The following SSBP2 variants were observed in gnomAD, a reference collection of about 807,000 sequenced individuals.
SSBP2 encodes the protein single-stranded DNA-binding protein 2.
In SSBP2, 17 loss-of-function variants were observed where a neutral mutation model predicts 61.8. That is an observed-to-expected ratio of 0.28 (90% CI 0.19 to 0.41). SSBP2 has a LOEUF of 0.41. SSBP2 is among the 10% of genes least tolerant of loss of function. The pLI is 1.00. For synonymous variants in SSBP2, 139 were observed against 141.3 expected (o/e 0.98, Z 0.12); for missense variants, 310 against 458.7 (o/e 0.68, Z 2.96).
At chr5:81,528,745 T>A (rs1238170398) in intron 4 of SSBP2, among the ~76,000 whole-genome samples, 1 of 152,032 alleles carries the variant, frequency 6.6e-6, no homozygotes. Context: ...AAATAAAATT[T>A]AAGGCAAAAG....
chr5:81,560,840 T>G (rs928405160), intron 4 of SSBP2, among the ~76,000 whole-genome samples: 1 of 152,204 alleles, frequency 6.6e-6, no homozygotes, highest in Non-Finnish European at 1.5e-5. Context: ...GATGTTTTGA[T>G]ATACATACAC....
At chr5:81,430,777 T>C (rs898202575) in intron 15 of SSBP2, among the ~76,000 whole-genome samples, 8 of 152,132 alleles carry the variant, frequency 5.3e-5, no homozygotes, top group South Asian at 2.1e-4. Context: ...AACAGGAAGA[T>C]TGAAAGGATA....
rs1441984584 is a variant in SSBP2, at chr5:81,592,594, T to C, written c.282+22879A>G. Among the ~76,000 whole-genome samples the C allele has an allele frequency of 1.3e-5, 2 of 152,106 alleles. 1 individual carries two copies. Among genetic ancestry groups the C allele is most frequent in the South Asian group, 4.1e-4 (2 of 4,832 alleles). On this transcript the variant is annotated intron_variant, in intron 4 of 16. Transcript: ENST00000320672. ...AGCCTAAGTGGGAGGCACCCCCTAG[T>C]AGGGGCGGACTGACACCTTACACAG... is the stretch of plus-strand genomic sequence containing the variant.
rs757901607 is a variant in SSBP2 at position 81,751,042 on chromosome 5, T to TG, written c.-1dup. On this transcript the variant is annotated 5_prime_UTR_variant, in exon 1 of 17. Coordinates refer to ENST00000320672, the MANE Select transcript of SSBP2 (RefSeq NM_012446.5). ...CTGTTACTCTTGCCTTTGCCGTACA[T>TG]GCTTGTGCCGAGAGCAGCTCCCACT... 19 of 1,594,342 alleles carry TG rather than the reference T, an allele frequency of 1.2e-5. No homozygotes were observed. The highest frequency in any genetic ancestry group is 1.7e-4 in the Middle Eastern group (1 of 6,060).
intron 10 of SSBP2, among the ~76,000 whole-genome samples, chr5:81,450,747 G>C (rs1343696483): frequency 6.6e-6 from 1 of 152,120 alleles, no homozygotes; most frequent in Non-Finnish European, 1.5e-5. Flanking sequence ...AATTGCCTCT[G>C]CCTCTCCTTC....
At chr5:81,486,292 C>G (rs1766375896) in intron 6 of SSBP2, among the ~76,000 whole-genome samples, 1 of 152,136 alleles carries the variant, frequency 6.6e-6, no homozygotes, top group Non-Finnish European at 1.5e-5. Flanking sequence ...ACTAGGTTTA[C>G]AATTTTACAT....
chr5:81,440,559 T>C lies in SSBP2; in HGVS notation c.927A>G (p.Leu309=), dbSNP rs1190876498. 1 of 1,612,490 alleles carries C rather than the reference T, an allele frequency of 6.2e-7. No homozygotes were observed. Among genetic ancestry groups the C allele is most frequent in the African/African-American group, 1.3e-5 (1 of 74,990 alleles). Reference sequence around the variant, plus strand: ...AAACATCAAATTGAAAAGCCTTACCTAAAGAGCCATTCATGTGATGTGACT... The same window carrying C: ...AAACATCAAATTGAAAAGCCTTACCCAAAGAGCCATTCATGTGATGTGACT... The change falls in exon 14 of 17, where the codon TTA becomes TTG. Residue 309 remains leucine, a splice_region_variant and synonymous_variant. Transcript: ENST00000320672.
intron 4 of SSBP2, among the ~76,000 whole-genome samples, chr5:81,532,347 C>A (rs1770483269): frequency 6.6e-6 from 1 of 151,996 alleles, no homozygotes; most frequent in Non-Finnish European, 1.5e-5. Context: ...TCTACACAGT[C>A]CACATCAGCC....
At chr5:81,496,279 A>G (rs1767271719) in intron 5 of SSBP2, among the ~76,000 whole-genome samples, 1 of 152,110 alleles carries the variant, frequency 6.6e-6, no homozygotes, top group African/African-American at 2.4e-5. Context: ...TCCTGAGTTC[A>G]AGTGATTCTC....
intron 10 of SSBP2, 146 bp downstream of exon 10, chr5:81,460,908 TA>T: frequency 2.4e-6 from 1 of 413,178 alleles, no homozygotes; most frequent in Non-Finnish European, 4.1e-6. Context: ...CATCTTTTTC[TA>T]AAATTTATAT....
chr5:81,729,576 G>T (rs6882480), intron 1 of SSBP2, among the ~76,000 whole-genome samples: 13,880 of 152,032 alleles, frequency 0.091, 1,096 homozygotes, highest in East Asian at 0.37. Context: ...GCCATGAACT[G>T]AGGAGTATTA....
chr5:81,738,739 C>T (rs1756795147), intron 1 of SSBP2, among the ~76,000 whole-genome samples: 2 of 152,166 alleles, frequency 1.3e-5, no homozygotes, highest in South Asian at 4.1e-4. Context: ...AATGATGACG[C>T]TATAAGCATT....
chr5:81,616,859 C>T (rs1746113094), intron 3 of SSBP2, among the ~76,000 whole-genome samples: 1 of 152,118 alleles, frequency 6.6e-6, no homozygotes, highest in Non-Finnish European at 1.5e-5. Context: ...CCTCACACAG[C>T]CGGGTACTCC....
intron 1 of SSBP2, among the ~76,000 whole-genome samples, chr5:81,663,387 T>C (rs1235709088): frequency 6.6e-6 from 1 of 152,186 alleles, no homozygotes; most frequent in African/African-American, 2.4e-5. Context: ...TAATCCCAAT[T>C]TATAGAACAA....
intron 4 of SSBP2, among the ~76,000 whole-genome samples, chr5:81,610,243 A>T (rs1027935492): frequency 6.6e-6 from 1 of 152,202 alleles, no homozygotes; most frequent in African/African-American, 2.4e-5. Context: ...CCCAGCTTGC[A>T]AAGTGACTGA....
At chr5:81,710,557 G>C in intron 1 of SSBP2, 1 of 363,330 alleles carries the variant, frequency 2.8e-6, no homozygotes, top group East Asian at 7.5e-5. Context: ...ATAATATGAG[G>C]GGCTGATAGG....
intron 5 of SSBP2, among the ~76,000 whole-genome samples, chr5:81,495,050 A>C (rs1767179094): frequency 6.6e-6 from 1 of 152,156 alleles, no homozygotes; most frequent in Non-Finnish European, 1.5e-5. Flanking sequence ...TTCTGCTAGC[A>C]CAAAAGCAGT....
chr5:81,439,962 C>T (rs1341253961), intron 14 of SSBP2, among the ~76,000 whole-genome samples: 2 of 151,962 alleles, frequency 1.3e-5, no homozygotes, highest in South Asian at 2.1e-4. Flanking sequence ...TGAGCCATGG[C>T]GCCTGGCCTA....
At chr5:81,599,453 G>A (rs1744123930) in intron 4 of SSBP2, among the ~76,000 whole-genome samples, 1 of 152,138 alleles carries the variant, frequency 6.6e-6, no homozygotes, top group Non-Finnish European at 1.5e-5. Flanking sequence ...CTTCTGGGAG[G>A]AGCCACAGAA....
Sources: gnomAD v4.1 joint callset for allele counts (sites outside exome capture counted in the v4.1 genomes callset) on GRCh38, gnomAD v4.1.1 for gene constraint, MANE v1.5 for transcripts, NCBI Gene and HGNC (gene_info 2026-07-23, HGNC 2026-07-21) for gene names.